The following RNF150 variants were observed in gnomAD, a reference collection of about 807,000 sequenced individuals.
The protein encoded by RNF150 is ring finger protein 150.
Under a neutral mutation model 39.3 loss-of-function variants are expected in RNF150, and 24 were observed. That is an observed-to-expected ratio of 0.61 (90% CI 0.44 to 0.86). RNF150 has a LOEUF of 0.86. RNF150 is among the 40% of genes least tolerant of loss of function. The pLI is 0.00. For missense variants in RNF150, 502 were observed against 587.8 expected (o/e 0.85, Z 1.51); for synonymous variants, 255 against 227.3 (o/e 1.12, Z -1.10).
chr4:141,172,744 G>A (rs1339848862), intron 1 of RNF150, among the ~76,000 whole-genome samples: 1 of 152,174 alleles, frequency 6.6e-6, no homozygotes, highest in Non-Finnish European at 1.5e-5. Flanking sequence ...CTAGGATATT[G>A]CCGGGCACTG....
chr4:140,924,057 C>CTAT (rs1437263424), intron 5 of RNF150, among the ~76,000 whole-genome samples: 7 of 152,178 alleles, frequency 4.6e-5, no homozygotes, highest in African/African-American at 1.7e-4. Context: ...ACCAACATAG[C>CTAT]ACATGTATAC....
intron 6 of RNF150, among the ~76,000 whole-genome samples, chr4:140,893,998 T>C (rs1380642947): frequency 4.6e-5 from 7 of 152,206 alleles, no homozygotes; most frequent in Admixed American, 1.3e-4. Context: ...GTTAAGGTTT[T>C]AGTATTTCCT....
chr4:141,184,867 C>CTGTGTGTG (rs61134992), intron 1 of RNF150, among the ~76,000 whole-genome samples: 2,939 of 148,056 alleles, frequency 0.02, 60 homozygotes, highest in Admixed American at 0.065. Flanking sequence ...GTCTATATAT[C>CTGTGTGTG]TGTGTGTGTG....
At chr4:140,936,106 C>T (rs1731855459) in intron 4 of RNF150, among the ~76,000 whole-genome samples, 1 of 152,180 alleles carries the variant, frequency 6.6e-6, no homozygotes, top group Non-Finnish European at 1.5e-5. Context: ...CCTTGGTGTA[C>T]ATCAATAGCT....
At chr4:141,016,307 G>GA (rs1419040430) in intron 1 of RNF150, among the ~76,000 whole-genome samples, 1 of 152,172 alleles carries the variant, frequency 6.6e-6, no homozygotes. Context: ...AAGAGGCATG[G>GA]AAAGCACCTC....
At chr4:140,932,791 A>G (rs1274204026) in intron 4 of RNF150, among the ~76,000 whole-genome samples, 2 of 152,248 alleles carry the variant, frequency 1.3e-5, no homozygotes, top group East Asian at 3.8e-4. Flanking sequence ...TAATTCTGGC[A>G]GATAAATTAT....
chr4:141,056,641 G>T (rs766507868), intron 1 of RNF150, among the ~76,000 whole-genome samples: 5 of 151,820 alleles, frequency 3.3e-5, no homozygotes, highest in Non-Finnish European at 7.4e-5. Flanking sequence ...GGAAGAGATA[G>T]CCTCTGCATT....
chr4:141,004,504 T>C (rs1429408072), intron 1 of RNF150, among the ~76,000 whole-genome samples: 1 of 152,218 alleles, frequency 6.6e-6, no homozygotes, highest in East Asian at 1.9e-4. Context: ...ATTTTCCACA[T>C]TATCTTATTT....
chr4:141,095,718 A>G (rs1249266743), intron 1 of RNF150, among the ~76,000 whole-genome samples: 1 of 152,144 alleles, frequency 6.6e-6, no homozygotes, highest in Non-Finnish European at 1.5e-5. Flanking sequence ...ATTTTTTCTT[A>G]TGGTTGCATA....
chr4:141,001,526 C>T (rs1239872740), intron 1 of RNF150, among the ~76,000 whole-genome samples: 1 of 152,060 alleles, frequency 6.6e-6, no homozygotes, highest in Admixed American at 6.5e-5. Flanking sequence ...TCTTTGGGAT[C>T]TTCTTTTTAC....
rs1400120999 is a variant in RNF150 at position 140,868,198 on chromosome 4, T to G, written c.*63A>C. On this transcript the variant is annotated 3_prime_UTR_variant, in exon 7 of 7. Transcript: ENST00000515673. Reference sequence around the variant, plus strand: ...GTGTGTGTGTGCCTGGTCCAAGTCTTGGAGCACTCTTCCCTTCCTTTCCCT... The same window carrying G: ...GTGTGTGTGTGCCTGGTCCAAGTCTGGGAGCACTCTTCCCTTCCTTTCCCT... 1.0e-6 allele frequency: 1 copy of G among 956,918 alleles called. No individual in the cohort carries two copies. Among genetic ancestry groups the G allele is most frequent in the African/African-American group, 1.6e-5 (1 of 62,490 alleles). The allele number at this position is 956,918 out of a possible 1,614,324, so 59.3% of individuals were successfully genotyped here.
Position 141,132,512 on chromosome 4 carries a change from G to T in RNF150, c.297C>A (p.Arg99=). The change falls in exon 1 of 7, where the codon CGC becomes CGA. Residue 99 remains arginine, a synonymous_variant. Transcript: ENST00000515673. This position sits in a 1 kb window ranked among gnomAD's most constrained non-coding sequence, Gnocchi z 4.9. ...ACTTGGTGTTGGGGTCGCAGGCCAGGCGGTCGTGGGCCGAGCTGGCCATGA... is the reference window on the plus strand; with the variant it reads ...ACTTGGTGTTGGGGTCGCAGGCCAGTCGGTCGTGGGCCGAGCTGGCCATGA... ...EVVMASSAHD[R]LACDPNTKFA... The T allele has an allele frequency of 6.2e-7, 1 of 1,604,180 alleles. No individual in the cohort carries two copies. The highest frequency in any genetic ancestry group is 8.5e-7 in the Non-Finnish European group (1 of 1,176,372).
At chr4:140,901,932 G>A (rs1730202833) in intron 6 of RNF150, among the ~76,000 whole-genome samples, 1 of 150,644 alleles carries the variant, frequency 6.6e-6, no homozygotes, top group African/African-American at 2.5e-5. Context: ...AAATGCTTCT[G>A]TGTAAAGAGC....
Position 141,004,177 on chromosome 4 carries a change from T to C in RNF150, c.485-36304A>G, listed in dbSNP as rs180860598. On this transcript the variant is annotated intron_variant, in intron 1 of 6. Coordinates refer to ENST00000515673, the MANE Select transcript of RNF150 (RefSeq NM_020724.2). ...GGCGAACAACAACAACAAAAATACATGATCCCTACTTTCATGGGGGTTTAA... is the reference window on the plus strand; with the variant it reads ...GGCGAACAACAACAACAAAAATACACGATCCCTACTTTCATGGGGGTTTAA... 1.1e-3 allele frequency among the ~76,000 whole-genome samples: 163 copies of C among 151,116 alleles called. 3 individuals carry two copies. The highest frequency in any genetic ancestry group is 0.011 in the Admixed American group (162 of 15,160).
intron 1 of RNF150, among the ~76,000 whole-genome samples, chr4:141,210,470 C>T (rs1321606671): frequency 1.4e-5 from 2 of 143,030 alleles, no homozygotes; most frequent in African/African-American, 5.2e-5. Context: ...ATTTAATGTG[C>T]TGGTTGCAGT....
At chr4:141,173,805 G>A (rs1244914023) in intron 1 of RNF150, among the ~76,000 whole-genome samples, 2 of 152,156 alleles carry the variant, frequency 1.3e-5, no homozygotes. Context: ...TGTATTTTCA[G>A]TATAAAAATT....
At chr4:141,095,757 A>T (rs1010063866) in intron 1 of RNF150, among the ~76,000 whole-genome samples, 2 of 152,218 alleles carry the variant, frequency 1.3e-5, no homozygotes, top group African/African-American at 4.8e-5. Context: ...ACCCAAAAGA[A>T]TTATTTAAAA....
chr4:141,181,460 G>A (rs940343666), intron 1 of RNF150, among the ~76,000 whole-genome samples: 14 of 152,212 alleles, frequency 9.2e-5, no homozygotes, highest in African/African-American at 3.1e-4. Flanking sequence ...TCTGAAAGCT[G>A]AGCAATTTTA....
intron 1 of RNF150, among the ~76,000 whole-genome samples, chr4:140,973,949 C>T (rs1733564527): frequency 6.6e-6 from 1 of 151,200 alleles, no homozygotes; most frequent in Non-Finnish European, 1.5e-5. Context: ...TCCCAGCTTC[C>T]TCTGATGGTG....
Sources: gnomAD v4.1 joint callset for allele counts (sites outside exome capture counted in the v4.1 genomes callset) on GRCh38, gnomAD v4.1.1 for gene constraint, Gnocchi (gnomAD v3.1) non-coding constraint, MANE v1.5 for transcripts, NCBI Gene and HGNC (gene_info 2026-07-23, HGNC 2026-07-21) for gene names.